TRIM45: variants seen among roughly 807,000 people sequenced by gnomAD.
The protein encoded by TRIM45 is E3 ubiquitin-protein ligase TRIM45.
A neutral mutation model predicts 46.7 loss-of-function variants in TRIM45; 45 were observed. The ratio of observed to expected loss-of-function variants is 0.96; its 90% CI spans 0.76 to 1.24. The LOEUF (loss-of-function observed/expected upper bound fraction) is 1.24. TRIM45 is among the 50% of genes most tolerant of loss of function. The pLI, the probability that TRIM45 is intolerant of heterozygous loss-of-function variation, is 0.00. For synonymous variants in TRIM45, 259 were observed against 285.8 expected, an observed-to-expected ratio of 0.91 and a Z score of 0.94; for missense variants, 680 against 728.4, an observed-to-expected ratio of 0.93 and a Z score of 0.77.
At position 117,118,643 on chromosome 1, in the gene TRIM45, A is replaced by T; in HGVS notation, c.613T>A (p.Phe205Ile). 1 of 1,613,982 alleles carries T rather than the reference A, an allele frequency of 6.2e-7. No individual in the cohort carries two copies. The highest frequency in any genetic ancestry group is 8.5e-7 in the Non-Finnish European group (1 of 1,180,014). Residue 205 changes from phenylalanine (F) to isoleucine (I), a missense_variant, in exon 2 of 6, where the codon TTC becomes ATC. By Grantham distance (21) the Phe-to-Ile change is conservative. Around this residue, in one of 3 missense-constraint regions of TRIM45, gnomAD observed 349 missense variants for 343.6 expected, o/e 1.02. Transcript: ENST00000256649. This position sits in a 1 kb window ranked among gnomAD's most constrained non-coding sequence, Gnocchi z 5.7. ...PAEELRLFCE[F>I]CDRPVCQDCV... ...TCCTGGCACACGGGCCGGTCACAGA[A>T]CTCACAGAACAGCCTCAGTTCCTCT...
chr1:117,116,465 T>C lies in TRIM45; in HGVS notation c.1352+151A>G. On this transcript the variant is annotated intron_variant, in intron 3 of 5. Transcript: ENST00000256649. This position sits in a 1 kb window ranked among gnomAD's most constrained non-coding sequence, Gnocchi z 4.6. ...TGTTGCCCAGGCTGGTCTTGAACTC[T>C]TGGGCTTAAGCGATCCTCCTGCCTC... 2.9e-6 allele frequency: 3 copies of C among 1,049,238 alleles called. No individual in the cohort carries two copies. The highest frequency in any genetic ancestry group is 2.7e-6 in the Non-Finnish European group (2 of 737,670). 65.0% of individuals were successfully genotyped at this position (1,049,238 alleles called of 1,614,324 possible).
rs199843490 is a variant in TRIM45 at position 117,121,214 on chromosome 1, T to G, written c.-13A>C. The G allele has an allele frequency of 2.1e-5, 32 of 1,526,558 alleles. No individual in the cohort carries two copies. The African/African-American group carries it at 3.2e-4, about 15-fold the overall frequency. The allele number at this position is 1,526,558 out of a possible 1,614,324, so 94.6% of individuals were successfully genotyped here. On this transcript the variant is annotated 5_prime_UTR_variant, in exon 1 of 6. Transcript: ENST00000256649. This position sits in a 1 kb window ranked among gnomAD's most constrained non-coding sequence, Gnocchi z 4.2. ...TGTTTTCTGACATACTCCTCACGTTTGTGACCAATATTAGAAAGGGCCCTG... is the reference window on the plus strand; with the variant it reads ...TGTTTTCTGACATACTCCTCACGTTGGTGACCAATATTAGAAAGGGCCCTG...
Position 117,118,907 on chromosome 1 carries a change from A to G in TRIM45, c.489-140T>C. On this transcript the variant is annotated intron_variant, in intron 1 of 5. Transcript: ENST00000256649. This position sits in a 1 kb window ranked among gnomAD's most constrained non-coding sequence, Gnocchi z 5.7. ...CCTTGCTCTAATCTCTAATTGCATG[A>G]ACCTCTCTGATTCCAGTTTCTCATC... 1 of 1,120,796 alleles carries G rather than the reference A, an allele frequency of 8.9e-7. No homozygotes were observed. The highest frequency in any genetic ancestry group is 1.6e-5 in the South Asian group (1 of 63,896). The allele number at this position is 1,120,796 out of a possible 1,614,324, so 69.4% of individuals were successfully genotyped here. A position where few individuals can be genotyped will look rare whatever the true frequency, so the allele number is the denominator to read the frequency against.
rs1199336726 is a variant in TRIM45 at position 117,112,431 on chromosome 1, A to G, written c.1617T>C (p.His539=). 8.1e-6 allele frequency: 13 copies of G among 1,613,596 alleles called. No homozygotes were observed. The highest frequency in any genetic ancestry group is 5.5e-5 in the South Asian group (5 of 91,008). ...TMPGGYLGCG[H]GHKGHPGHPH... is the part of the protein sequence containing the mutation. ...GATGACCTGGGTGGCCTTTGTGTCC[A>G]TGGCCACAGCCTAGGTACCCACCTA... The change falls in exon 6 of 6, where the codon CAT becomes CAC. Residue 539 remains histidine (H), a synonymous_variant. Transcript: ENST00000256649.
In TRIM45 at chr1:117,113,442, T is replaced by G. The variant is rs754318658; in HGVS notation, c.1511A>C (p.His504Pro). The G allele has an allele frequency of 6.2e-7, 1 of 1,612,714 alleles. No homozygotes were observed. Among genetic ancestry groups the G allele is most frequent in the Non-Finnish European group, 8.5e-7 (1 of 1,179,968 alleles). Residue 504 changes from histidine to proline, a missense_variant, in exon 5 of 6, where the codon CAC (histidine) becomes CCC (proline). Physicochemically the swap from His to Pro is moderately conservative, Grantham distance 77. This residue lies in a region of TRIM45 where 322 missense variants were observed against 359.3 expected (regional missense o/e 0.90). Coordinates refer to ENST00000256649, the MANE Select transcript of TRIM45 (RefSeq NM_025188.4). The surrounding 1 kb of genome is among the most constrained non-coding windows in gnomAD (Gnocchi z 4.0). ...GGTGCAGCAGTGAAACACGCCTGAG[T>G]GTGGGCGGTGCTTTCTCCTCACCAT... ...TVMVRRKHRP[H>P]SGVFHCCTFC...
intron 4 of TRIM45, among the ~76,000 whole-genome samples, chr1:117,114,505 G>C (rs1319275491): frequency 6.6e-6 from 1 of 152,176 alleles, no homozygotes; most frequent in Non-Finnish European, 1.5e-5. Flanking sequence ...CCTTATGTGA[G>C]AGCCACATTG....
rs1368678807 is a variant in TRIM45, at chr1:117,116,369, G to A, written c.1352+247C>T. Among the ~76,000 whole-genome samples the A allele has an allele frequency of 6.6e-6, 1 of 151,916 alleles. No homozygotes were observed. Among genetic ancestry groups the A allele is most frequent in the African/African-American group, 2.4e-5 (1 of 41,336 alleles). ...CCATCTCAGCCTCCTGAATAGCTGG[G>A]ATTATAGGCATATGCCTCCACTCCC... is the stretch of plus-strand genomic sequence containing the variant. On this transcript the variant is annotated intron_variant, in intron 3 of 5. Coordinates refer to ENST00000256649, the MANE Select transcript of TRIM45 (RefSeq NM_025188.4). This position sits in a 1 kb window ranked among gnomAD's most constrained non-coding sequence, Gnocchi z 4.6.
Position 117,121,174 on chromosome 1 carries a change from C to A in TRIM45, c.28G>T (p.Gly10Cys). 1 of 1,569,888 alleles carries A rather than the reference C, an allele frequency of 6.4e-7. No homozygotes were observed. The highest frequency in any genetic ancestry group is 8.6e-7 in the Non-Finnish European group (1 of 1,161,130). The change falls in exon 1 of 6, where the codon GGC becomes TGC. Residue 10 changes from glycine to cysteine, a missense_variant. Coordinates refer to ENST00000256649, the MANE Select transcript of TRIM45 (RefSeq NM_025188.4). This position sits in a 1 kb window ranked among gnomAD's most constrained non-coding sequence, Gnocchi z 4.2. The part of the protein sequence containing the change: MSENRKPLL[G>C]FVSKLTSGTA... ...CCACTAGTGAGTTTGCTTACAAAGC[C>A]CAGCAGCGGTTTTCTGTTTTCTGAC...
chr1:117,122,623 ATCAG>A (rs1360061581), upstream of TRIM45: 2 of 152,260 alleles, frequency 1.3e-5, no homozygotes, highest in Non-Finnish European at 2.9e-5. Flanking sequence ...CGCTGTTTTT[ATCAG>A]TCAATCACGG....
intron 4 of TRIM45, among the ~76,000 whole-genome samples, chr1:117,114,221 T>A (rs556549059): frequency 6.6e-6 from 1 of 152,382 alleles, no homozygotes; most frequent in East Asian, 1.9e-4. Flanking sequence ...TGTGTACAGC[T>A]AATAATTCTC....
In TRIM45 at chr1:117,115,786, A is replaced by G. The variant is rs1257551267; in HGVS notation, c.1353-97T>C. On this transcript the variant is annotated intron_variant, in intron 3 of 5. Transcript: ENST00000256649. This position sits in a 1 kb window ranked among gnomAD's most constrained non-coding sequence, Gnocchi z 4.2. ...TAAACTCTACACCATCCCATTCAGT[A>G]TTAATGTTAAATATACCCAAACAGG... 25 of 770,256 alleles carry G rather than the reference A, an allele frequency of 3.2e-5. No individual in the cohort carries two copies. The highest frequency in any genetic ancestry group is 2.7e-4 in the South Asian group (16 of 60,244). The allele number at this position is 770,256 out of a possible 1,614,324, so 47.7% of individuals were successfully genotyped here.
intron 4 of TRIM45, among the ~76,000 whole-genome samples, chr1:117,114,932 CAG>C (rs1432778915): frequency 9.8e-5 from 15 of 152,328 alleles, no homozygotes; most frequent in African/African-American, 3.4e-4. Flanking sequence ...CCAATGTCAG[CAG>C]AGAGATTCTG....
chr1:117,119,276 G>C (rs941436639), intron 1 of TRIM45, among the ~76,000 whole-genome samples: 1 of 152,208 alleles, frequency 6.6e-6, no homozygotes, highest in Non-Finnish European at 1.5e-5. Flanking sequence ...CAGCAGGCTA[G>C]AATTTTTTTC....
chr1:117,113,116 C>A lies in TRIM45; in HGVS notation c.1594+243G>T, dbSNP rs1014194569. ...AAACTGAGAATCCTACATAGAAGCA[C>A]AGGGCTCATAGGAGCTGTACCAAAA... On this transcript the variant is annotated intron_variant, in intron 5 of 5. Transcript: ENST00000256649. This position sits in a 1 kb window ranked among gnomAD's most constrained non-coding sequence, Gnocchi z 4.0. Among the ~76,000 whole-genome samples, 4 of 152,206 alleles carry A rather than the reference C, an allele frequency of 2.6e-5. No individual in the cohort carries two copies. Among genetic ancestry groups the A allele is most frequent in the Non-Finnish European group, 5.9e-5 (4 of 68,026 alleles).
At position 117,118,679 on chromosome 1, in the gene TRIM45, C is replaced by G. The variant is rs768421796; in HGVS notation, c.577G>C (p.Val193Leu). 3 of 1,613,910 alleles carry G rather than the reference C, an allele frequency of 1.9e-6. No individual in the cohort carries two copies. Among genetic ancestry groups the G allele is most frequent in the Non-Finnish European group, 2.5e-6 (3 of 1,180,054 alleles). Reference sequence around the variant, plus strand: ...AGCCTCAGTTCCTCTGCAGGGTGAACAGGACACAGGATGGGCTTCCCAATC... The same window carrying G: ...AGCCTCAGTTCCTCTGCAGGGTGAAGAGGACACAGGATGGGCTTCCCAATC... ...SRIGKPILCP[V>L]HPAEELRLFC... Residue 193 changes from valine (V) to leucine (L), a missense_variant, in exon 2 of 6, where the codon GTT becomes CTT. By Grantham distance (32) the Val-to-Leu change is conservative. Around this residue, in one of 3 missense-constraint regions of TRIM45, gnomAD observed 349 missense variants for 343.6 expected, o/e 1.02. Coordinates refer to ENST00000256649, the MANE Select transcript of TRIM45 (RefSeq NM_025188.4). This position sits in a 1 kb window ranked among gnomAD's most constrained non-coding sequence, Gnocchi z 5.7.
chr1:117,113,453 C>T lies in TRIM45; in HGVS notation c.1500G>A (p.Lys500=). 6.2e-7 allele frequency: 1 copy of T among 1,612,894 alleles called. No homozygotes were observed. The highest frequency in any genetic ancestry group is 8.5e-7 in the Non-Finnish European group (1 of 1,180,022). Residue 500 remains lysine (K), a synonymous_variant, in exon 5 of 6, where the codon AAG becomes AAA. Transcript: ENST00000256649. This position sits in a 1 kb window ranked among gnomAD's most constrained non-coding sequence, Gnocchi z 4.0. ...GSPFTVMVRR[K]HRPHSGVFHC... is the part of the protein sequence containing the mutation. Reference sequence around the variant, plus strand: ...GAAACACGCCTGAGTGTGGGCGGTGCTTTCTCCTCACCATCACAGTGAATG... The same window carrying T: ...GAAACACGCCTGAGTGTGGGCGGTGTTTTCTCCTCACCATCACAGTGAATG...
rs113824510 is a variant in TRIM45, at chr1:117,117,947, T to C, written c.1222+87A>G. The C allele has an allele frequency of 6.6e-7, 1 of 1,515,914 alleles. No individual in the cohort carries two copies. Among genetic ancestry groups the C allele is most frequent in the African/African-American group, 1.4e-5 (1 of 72,510 alleles). 93.9% of individuals were successfully genotyped at this position (1,515,914 alleles called of 1,614,324 possible). On this transcript the variant is annotated intron_variant, in intron 2 of 5. Transcript: ENST00000256649. The surrounding 1 kb of genome is among the most constrained non-coding windows in gnomAD (Gnocchi z 4.9). Reference sequence around the variant, plus strand: ...CTTTGGTAACCTGGTCAGTAGGGCATGCTTCCTAGCAGAACAAGCCACCAA... The same window carrying C: ...CTTTGGTAACCTGGTCAGTAGGGCACGCTTCCTAGCAGAACAAGCCACCAA...
chr1:117,111,607 G>A lies in TRIM45; in HGVS notation c.*698C>T, dbSNP rs1650210775. Reference sequence around the variant, plus strand: ...ATGAAAGGAGGTTTCTAATCTCTAGGGGAAATATCTAAATAATGTGTAGCT... The same window carrying A: ...ATGAAAGGAGGTTTCTAATCTCTAGAGGAAATATCTAAATAATGTGTAGCT... On this transcript the variant is annotated 3_prime_UTR_variant, in exon 6 of 6. Coordinates refer to ENST00000256649, the MANE Select transcript of TRIM45 (RefSeq NM_025188.4). 6.6e-6 allele frequency: 1 copy of A among 152,084 alleles called. No homozygotes were observed. The highest frequency in any genetic ancestry group is 1.5e-5 in the Non-Finnish European group (1 of 68,006). The allele number at this position is 152,084 out of a possible 1,614,324, so 9.4% of individuals were successfully genotyped here.
chr1:117,112,286 A>C lies in TRIM45; in HGVS notation c.*19T>G, dbSNP rs759763665. On this transcript the variant is annotated 3_prime_UTR_variant, in exon 6 of 6. Transcript: ENST00000256649. ...CAAGTGGTGCTGCCTGCAGCTTTAA[A>C]AGGCTGAGCACAAACCCATCAGAGA... 55 of 1,541,378 alleles carry C rather than the reference A, an allele frequency of 3.6e-5. No homozygotes were observed. The highest frequency in any genetic ancestry group is 5.9e-5 in the Admixed American group (3 of 50,910).
Sources: gnomAD v4.1 joint callset for allele counts (sites outside exome capture counted in the v4.1 genomes callset) on GRCh38, gnomAD v4.1.1 for gene constraint, gnomAD v4.1.1 regional missense constraint, Gnocchi (gnomAD v3.1) non-coding constraint, MANE v1.5 for transcripts, NCBI Gene and HGNC (gene_info 2026-07-23, HGNC 2026-07-21) for gene names.